Variants in SFMBT2 observed in about 807,000 individuals in gnomAD.
SFMBT2 encodes the protein scm-like with four MBT domains protein 2.
A neutral mutation model predicts 110.1 loss-of-function variants in SFMBT2; 38 were observed. That is an observed-to-expected ratio of 0.35 (90% CI 0.27 to 0.45). The LOEUF (loss-of-function observed/expected upper bound fraction) is 0.45, where lower values mean the gene tolerates loss of function less well. Ranked by LOEUF, SFMBT2 falls within the 20% of genes least tolerant of loss-of-function variation. SFMBT2 has a pLI of 1.00. For synonymous variants in SFMBT2, 425 were observed against 425.4 expected, an observed-to-expected ratio of 1.00 and a Z score of 0.01; for missense variants, 1,011 against 1,094.9, an observed-to-expected ratio of 0.92 and a Z score of 1.08.
chr10:7,369,934 A>T (rs1267874072), intron 3 of SFMBT2, among the ~76,000 whole-genome samples: 1 of 152,090 alleles, frequency 6.6e-6, no homozygotes, highest in African/African-American at 2.4e-5. Flanking sequence ...ATCTTGGCTC[A>T]CTGCAATCTC....
intron 10 of SFMBT2, among the ~76,000 whole-genome samples, chr10:7,225,420 G>A (rs79791058): frequency 2.0e-5 from 3 of 152,120 alleles, no homozygotes; most frequent in Non-Finnish European, 4.4e-5. Context: ...CTCGTAATAC[G>A]CATTCCGTTA....
intron 4 of SFMBT2, among the ~76,000 whole-genome samples, chr10:7,287,924 T>C (rs61834653): frequency 0.088 from 13,351 of 152,244 alleles, 766 homozygotes; most frequent in Non-Finnish European, 0.13. Context: ...GCTAATGATA[T>C]TTTGCTTATA....
At chr10:7,216,678 T>C (rs1342317499) in intron 11 of SFMBT2, among the ~76,000 whole-genome samples, 1 of 152,154 alleles carries the variant, frequency 6.6e-6, no homozygotes, top group African/African-American at 2.4e-5. Flanking sequence ...AAGTTTGTGG[T>C]CACCGTCCCC....
At chr10:7,380,245 G>A (rs2132079239) in intron 2 of SFMBT2, among the ~76,000 whole-genome samples, 1 of 152,298 alleles carries the variant, frequency 6.6e-6, no homozygotes, top group East Asian at 1.9e-4. Flanking sequence ...TTTCCAGGGA[G>A]GAACAATGAT....
chr10:7,400,901 G>A (rs1266106509), intron 1 of SFMBT2, among the ~76,000 whole-genome samples: 1 of 152,228 alleles, frequency 6.6e-6, no homozygotes, highest in African/African-American at 2.4e-5. Context: ...AGGAAGCCGA[G>A]GCGGGCGGAT....
intron 6 of SFMBT2, among the ~76,000 whole-genome samples, chr10:7,282,271 G>C (rs558151026): frequency 6.6e-6 from 1 of 152,198 alleles, no homozygotes. Context: ...CTTCCACGGA[G>C]GCATGTTCCA....
At chr10:7,388,249 G>A (rs911725232) in intron 1 of SFMBT2, among the ~76,000 whole-genome samples, 4 of 150,200 alleles carry the variant, frequency 2.7e-5, no homozygotes, top group Non-Finnish European at 5.9e-5. Flanking sequence ...TTTTTAATTA[G>A]TAGGTGATAT....
At chr10:7,397,703 C>T (rs1468599382) in intron 1 of SFMBT2, among the ~76,000 whole-genome samples, 1 of 152,242 alleles carries the variant, frequency 6.6e-6, no homozygotes, top group African/African-American at 2.4e-5. Context: ...ATACAAGCAA[C>T]AGCCCGGAAT....
chr10:7,165,734 A>G (rs1191940251), intron 20 of SFMBT2, among the ~76,000 whole-genome samples: 1 of 152,262 alleles, frequency 6.6e-6, no homozygotes, highest in Admixed American at 6.5e-5. Flanking sequence ...CAGGAGACAA[A>G]CTGTAGAAAA....
intron 10 of SFMBT2, among the ~76,000 whole-genome samples, chr10:7,226,730 A>G (rs1345919276): frequency 6.6e-6 from 1 of 152,196 alleles, no homozygotes; most frequent in African/African-American, 2.4e-5. Flanking sequence ...AACTACAGTC[A>G]TGTACTGCAT....
At chr10:7,174,334 G>A (rs1837981586) in intron 17 of SFMBT2, among the ~76,000 whole-genome samples, 2 of 152,214 alleles carry the variant, frequency 1.3e-5, no homozygotes, top group South Asian at 2.1e-4. Flanking sequence ...GGCCAGGGCA[G>A]GCTGGCTTCT....
At chr10:7,191,021 T>C (rs1838583600) in intron 15 of SFMBT2, among the ~76,000 whole-genome samples, 1 of 151,048 alleles carries the variant, frequency 6.6e-6, no homozygotes, top group African/African-American at 2.4e-5. Flanking sequence ...TCTGCTGCCA[T>C]GTAAGACGTG....
At position 7,301,725 on chromosome 10, in the gene SFMBT2, A is replaced by G. The variant is rs1842564051; in HGVS notation, c.437-15771T>C. Among the ~76,000 whole-genome samples the G allele has an allele frequency of 6.6e-6, 1 of 152,184 alleles. No homozygotes were observed. The highest frequency in any genetic ancestry group is 2.1e-4 in the South Asian group (1 of 4,824). ...TATTTCTTGACATGGGCTCCCCAGA[A>G]GTCACCTAGTATGAGAGCCACGCCT... On this transcript the variant is annotated intron_variant, in intron 4 of 20. Coordinates refer to ENST00000397167, the MANE Select transcript of SFMBT2 (RefSeq NM_001387889.1). This position sits in a 1 kb window ranked among gnomAD's most constrained non-coding sequence, Gnocchi z 4.2.
intron 4 of SFMBT2, among the ~76,000 whole-genome samples, chr10:7,330,252 T>C (rs1214675122): frequency 6.6e-6 from 1 of 152,166 alleles, no homozygotes; most frequent in Non-Finnish European, 1.5e-5. Flanking sequence ...TTATAACATT[T>C]CTCATTATTT....
intron 7 of SFMBT2, among the ~76,000 whole-genome samples, chr10:7,275,334 G>A (rs1841737226): frequency 6.6e-6 from 1 of 152,194 alleles, no homozygotes; most frequent in African/African-American, 2.4e-5. Context: ...AGATGACTGA[G>A]GCCACGGTGA....
At chr10:7,334,579 A>G (rs770622658) in intron 4 of SFMBT2, among the ~76,000 whole-genome samples, 14 of 152,190 alleles carry the variant, frequency 9.2e-5, no homozygotes, top group African/African-American at 2.9e-4. Flanking sequence ...CTCAGACCTT[A>G]TAAGTGAGCT....
intron 7 of SFMBT2, among the ~76,000 whole-genome samples, chr10:7,256,595 A>G (rs1056416650): frequency 6.6e-6 from 1 of 152,252 alleles, no homozygotes; most frequent in East Asian, 1.9e-4. Context: ...AGCAATGAAG[A>G]TTTAGGAAAT....
In SFMBT2 at chr10:7,172,125, C is replaced by T. The variant is rs530424273; in HGVS notation, c.2185G>A (p.Asp729Asn). The change falls in exon 19 of 21, where the codon GAT becomes AAT. Residue 729 changes from aspartate (D) to asparagine (N), a missense_variant. Asp to Asn is a conservative substitution (Grantham distance 23). Coordinates refer to ENST00000397167, the MANE Select transcript of SFMBT2 (RefSeq NM_001387889.1). This position sits in a 1 kb window ranked among gnomAD's most constrained non-coding sequence, Gnocchi z 4.6. ...SEEEDADAMD[D>N]DTASEETGSE... ...CCGGTCTCCTCACTGGCGGTGTCAT[C>T]GTCCATGGCGTCAGCGTCCTCCTCT... The T allele has an allele frequency of 1.0e-5, 16 of 1,574,124 alleles. No homozygotes were observed. The Admixed American group carries it at 1.9e-4, about 19-fold the overall frequency.
chr10:7,276,181 G>A (rs867692996), intron 7 of SFMBT2, among the ~76,000 whole-genome samples: 24 of 152,294 alleles, frequency 1.6e-4, no homozygotes, highest in Admixed American at 3.3e-4. Context: ...TCATTTTCAC[G>A]GGAGCACCTG....
Sources: gnomAD v4.1 joint callset for allele counts (sites outside exome capture counted in the v4.1 genomes callset) on GRCh38, gnomAD v4.1.1 for gene constraint, Gnocchi (gnomAD v3.1) non-coding constraint, MANE v1.5 for transcripts, NCBI Gene and HGNC (gene_info 2026-07-23, HGNC 2026-07-21) for gene names.